Variants in UGGT2 observed in about 807,000 individuals in gnomAD.
UGGT2 encodes UDP-glucose glycoprotein glucosyltransferase 2, also known as UDP-glucose:glycoprotein glucosyltransferase 2.
UGGT2 carries 180 observed loss-of-function variants against 192.1 expected under a neutral mutation model. The ratio of observed to expected loss-of-function variants is 0.94; its 90% CI spans 0.83 to 1.06. The LOEUF (loss-of-function observed/expected upper bound fraction) is 1.06, where lower values mean the gene tolerates loss of function less well. Among genes scored for constraint, UGGT2 ranks in the 50% least tolerant of loss-of-function variants. The pLI, the probability that UGGT2 is intolerant of heterozygous loss-of-function variation, is 0.00. For missense variants in UGGT2, 1,849 were observed against 1,795.7 expected (o/e 1.03, Z -0.54); for synonymous variants, 580 against 591.0 (o/e 0.98, Z 0.27).
Position 95,956,008 on chromosome 13 carries a change from T to C in UGGT2, c.1336-6554A>G, listed in dbSNP as rs183145847. On this transcript the variant is annotated intron_variant, in intron 12 of 38. Transcript: ENST00000376747. ...GATAATTCATTTTAAATGCTGAACA[T>C]AGTATCTGGCACTCTGCTCAATAAA... is the stretch of plus-strand genomic sequence containing the variant. Among the ~76,000 whole-genome samples the C allele has an allele frequency of 1.2e-3, 185 of 152,304 alleles. 2 individuals carry two copies. Among genetic ancestry groups the C allele is most frequent in the East Asian group, 1.2e-3 (6 of 5,182 alleles).
intron 26 of UGGT2, among the ~76,000 whole-genome samples, chr13:95,886,493 C>T (rs1288667891): frequency 3.3e-5 from 5 of 152,124 alleles, no homozygotes; most frequent in Non-Finnish European, 7.4e-5. Flanking sequence ...GACCCCTACT[C>T]CTGTGAATAA....
intron 36 of UGGT2, among the ~76,000 whole-genome samples, chr13:95,843,486 G>A (rs1269107491): frequency 6.6e-6 from 1 of 152,028 alleles, no homozygotes; most frequent in Non-Finnish European, 1.5e-5. Context: ...GGAGCTCTTT[G>A]TATATTTATC....
At chr13:96,007,051 T>C (rs2052003428) in intron 5 of UGGT2, among the ~76,000 whole-genome samples, 1 of 152,124 alleles carries the variant, frequency 6.6e-6, no homozygotes, top group African/African-American at 2.4e-5. Context: ...CTCAACAACA[T>C]ATTAGCAAAA....
chr13:95,874,673 T>TCC (rs1235330520), intron 29 of UGGT2, among the ~76,000 whole-genome samples: 2 of 151,820 alleles, frequency 1.3e-5, no homozygotes, highest in Admixed American at 1.3e-4. Flanking sequence ...CTCCCCTTCC[T>TCC]CCCCATCCCC....
At chr13:95,908,972 T>C (rs1186814564) in intron 20 of UGGT2, among the ~76,000 whole-genome samples, 8 of 147,452 alleles carry the variant, frequency 5.4e-5, no homozygotes, top group Admixed American at 2.1e-4. Context: ...TTTGTCAATT[T>C]TGGCTTTTGT....
chr13:95,868,990 T>C (rs1435728350), intron 29 of UGGT2, among the ~76,000 whole-genome samples: 1 of 151,530 alleles, frequency 6.6e-6, no homozygotes, highest in Non-Finnish European at 1.5e-5. Flanking sequence ...ACCCATTAAC[T>C]CTTCATTTAA....
chr13:95,929,373 G>A (rs2049162781), intron 17 of UGGT2, among the ~76,000 whole-genome samples: 1 of 152,150 alleles, frequency 6.6e-6, no homozygotes, highest in South Asian at 2.1e-4. Flanking sequence ...TGCTGAAGTT[G>A]GGGTTATGAC....
At chr13:95,900,786 G>A (rs753834299) in intron 22 of UGGT2, 21 bp downstream of exon 22, 1 of 1,597,760 alleles carries the variant, frequency 6.3e-7, no homozygotes, top group Non-Finnish European at 8.5e-7. Context: ...AGAAAAGAGA[G>A]CAATAGCTTT....
At chr13:95,932,943 A>G (rs2049337610) in intron 17 of UGGT2, among the ~76,000 whole-genome samples, 1 of 152,216 alleles carries the variant, frequency 6.6e-6, no homozygotes, top group Admixed American at 6.5e-5. Flanking sequence ...CTATTTGATT[A>G]CGGTGAATTA....
intron 20 of UGGT2, among the ~76,000 whole-genome samples, chr13:95,909,834 C>T (rs1233189894): frequency 7.0e-6 from 1 of 142,798 alleles, no homozygotes; most frequent in African/African-American, 2.6e-5. Context: ...TTAAGGGCAA[C>T]CAGAGAGAAA....
chr13:95,835,511 T>G (rs1446147434), intron 37 of UGGT2, among the ~76,000 whole-genome samples: 2 of 152,234 alleles, frequency 1.3e-5, no homozygotes, highest in African/African-American at 4.8e-5. Flanking sequence ...TTTTATTTGT[T>G]TCTGCTATAT....
intron 20 of UGGT2, among the ~76,000 whole-genome samples, chr13:95,913,918 G>GA (rs2048588771): frequency 6.6e-6 from 1 of 152,140 alleles, no homozygotes; most frequent in Non-Finnish European, 1.5e-5. Flanking sequence ...AAAAAAGGAT[G>GA]AGTTCATGTC....
intron 12 of UGGT2, among the ~76,000 whole-genome samples, chr13:95,962,640 T>C (rs1325356856): frequency 2.0e-5 from 3 of 152,096 alleles, no homozygotes; most frequent in Non-Finnish European, 4.4e-5. Flanking sequence ...CAAATTCTCC[T>C]CAAATTATTC....
chr13:95,934,171 T>G (rs2049383552), intron 17 of UGGT2, among the ~76,000 whole-genome samples: 1 of 152,240 alleles, frequency 6.6e-6, no homozygotes, highest in African/African-American at 2.4e-5. Context: ...ATTATGTAGT[T>G]TTGAGAGATG....
intron 17 of UGGT2, among the ~76,000 whole-genome samples, chr13:95,931,031 T>C (rs2049243064): frequency 6.6e-6 from 1 of 152,174 alleles, no homozygotes; most frequent in African/African-American, 2.4e-5. Flanking sequence ...CAGCCTGCTT[T>C]TATTCCCTTA....
chr13:95,836,292 C>T (rs1887280461), intron 37 of UGGT2, among the ~76,000 whole-genome samples: 1 of 152,190 alleles, frequency 6.6e-6, no homozygotes, highest in African/African-American at 2.4e-5. Flanking sequence ...TGAGGTGATC[C>T]ACCTGCCTCG....
intron 33 of UGGT2, among the ~76,000 whole-genome samples, chr13:95,859,110 T>C (rs894922505): frequency 5.3e-5 from 8 of 152,080 alleles, no homozygotes; most frequent in African/African-American, 1.4e-4. Flanking sequence ...TCACCTGAAA[T>C]CTTCTAAATA....
At chr13:95,976,688 A>T (rs1040806063) in intron 10 of UGGT2, among the ~76,000 whole-genome samples, 3 of 152,186 alleles carry the variant, frequency 2.0e-5, no homozygotes, top group Admixed American at 2.0e-4. Context: ...TTCTTCACAG[A>T]ATTAGAAAAA....
chr13:95,838,525 A>T (rs1357232990), intron 36 of UGGT2, among the ~76,000 whole-genome samples: 1 of 152,196 alleles, frequency 6.6e-6, no homozygotes, highest in African/African-American at 2.4e-5. Flanking sequence ...GAGGGCTGAC[A>T]CTACCACACT....
Sources: gnomAD v4.1 joint callset for allele counts (sites outside exome capture counted in the v4.1 genomes callset) on GRCh38, gnomAD v4.1.1 for gene constraint, MANE v1.5 for transcripts, NCBI Gene and HGNC (gene_info 2026-07-23, HGNC 2026-07-21) for gene names.